Variants in ROBO2 observed in about 807,000 individuals in gnomAD.
The protein encoded by ROBO2 is roundabout guidance receptor 2.
A neutral mutation model predicts 160.8 loss-of-function variants in ROBO2; 53 were observed. The ratio of observed to expected loss-of-function variants is 0.33; its 90% CI spans 0.26 to 0.41. The LOEUF (loss-of-function observed/expected upper bound fraction) is 0.41. Among genes scored for constraint, ROBO2 ranks in the 10% least tolerant of loss-of-function variants. The pLI is 1.00. For missense variants in ROBO2, 1,577 were observed against 1,722.4 expected, an observed-to-expected ratio of 0.92 and a Z score of 1.49; for synonymous variants, 664 against 611.7, an observed-to-expected ratio of 1.09 and a Z score of -1.26.
chr3:76,472,774 A>G (rs1642313545), intron 2 of ROBO2, among the ~76,000 whole-genome samples: 1 of 152,198 alleles, frequency 6.6e-6, no homozygotes, highest in South Asian at 2.1e-4. Context: ...TTAAGGTCAC[A>G]AGTCAGTGTT....
intron 2 of ROBO2, among the ~76,000 whole-genome samples, chr3:76,335,036 A>AT (rs1369427161): frequency 1.2e-4 from 18 of 151,690 alleles, no homozygotes; most frequent in African/African-American, 2.9e-4. Context: ...TTAAAAAAAA[A>AT]TTTTTTTTGT....
intron 2 of ROBO2, among the ~76,000 whole-genome samples, chr3:76,070,793 C>T (rs1385317464): frequency 1.3e-5 from 2 of 152,072 alleles, no homozygotes; most frequent in Non-Finnish European, 2.9e-5. Context: ...CTTTATTTCT[C>T]AAGCCGGCCG....
At chr3:77,222,762 G>A (rs1035895588) in intron 2 of ROBO2, among the ~76,000 whole-genome samples, 3 of 152,108 alleles carry the variant, frequency 2.0e-5, no homozygotes, top group African/African-American at 4.8e-5. Flanking sequence ...ATGGTGATAT[G>A]TCCATTTGCT....
chr3:77,354,707 A>C (rs993190769), intron 2 of ROBO2, among the ~76,000 whole-genome samples: 1 of 152,224 alleles, frequency 6.6e-6, no homozygotes, highest in Non-Finnish European at 1.5e-5. Context: ...TAAAATTAAA[A>C]GATGGCATTT....
chr3:76,269,074 G>T (rs1445530427), intron 2 of ROBO2, among the ~76,000 whole-genome samples: 2 of 152,180 alleles, frequency 1.3e-5, no homozygotes, highest in African/African-American at 2.4e-5. Context: ...TAGTTAGATA[G>T]AATTAATAAG....
intron 2 of ROBO2, among the ~76,000 whole-genome samples, chr3:76,579,786 C>CAAA (rs5850267): frequency 2.4e-3 from 256 of 106,658 alleles, no homozygotes; most frequent in East Asian, 3.3e-3. Context: ...GGTTGAGTTA[C>CAAA]AAAAAAAAAA....
At chr3:77,471,085 C>T (rs1460142219) in intron 2 of ROBO2, among the ~76,000 whole-genome samples, 8 of 152,256 alleles carry the variant, frequency 5.3e-5, no homozygotes, top group Non-Finnish European at 8.8e-5. Context: ...AGGCTTTACC[C>T]TTCTAATAAC....
At chr3:76,587,736 A>C (rs6799201) in intron 2 of ROBO2, among the ~76,000 whole-genome samples, 72,785 of 152,044 alleles carry the variant, frequency 0.48, 17,589 homozygotes, top group Middle Eastern at 0.6. Context: ...AACTTTTTAA[A>C]AACCTGAATG....
chr3:77,488,980 A>G (rs1345451789), intron 4 of ROBO2, among the ~76,000 whole-genome samples: 1 of 152,342 alleles, frequency 6.6e-6, no homozygotes, highest in Non-Finnish European at 1.5e-5. Context: ...GTGGGTAATT[A>G]TGAAAATTGC....
intron 2 of ROBO2, among the ~76,000 whole-genome samples, chr3:76,240,699 C>T (rs966649688): frequency 6.6e-6 from 1 of 151,616 alleles, no homozygotes; most frequent in African/African-American, 2.4e-5. Context: ...TTTTTTTTTC[C>T]ACACCGTTCA....
intron 2 of ROBO2, among the ~76,000 whole-genome samples, chr3:76,167,257 T>C (rs1471168817): frequency 6.6e-5 from 10 of 152,150 alleles, no homozygotes; most frequent in Admixed American, 3.3e-4. Flanking sequence ...TTGAATTTTA[T>C]TGAATTGATT....
At chr3:76,438,441 C>A (rs1014480394) in intron 2 of ROBO2, among the ~76,000 whole-genome samples, 3 of 148,854 alleles carry the variant, frequency 2.0e-5, no homozygotes, top group Non-Finnish European at 4.4e-5. Context: ...CACACACACA[C>A]AATGCACATA....
chr3:76,820,370 T>A (rs981986230), intron 2 of ROBO2, among the ~76,000 whole-genome samples: 15 of 152,010 alleles, frequency 9.9e-5, no homozygotes, highest in Non-Finnish European at 1.3e-4. Flanking sequence ...ATTTTTTTTT[T>A]AAATATAGAG....
chr3:76,103,833 T>G (rs2069806132), intron 2 of ROBO2, among the ~76,000 whole-genome samples: 1 of 152,232 alleles, frequency 6.6e-6, no homozygotes, highest in Non-Finnish European at 1.5e-5. Context: ...TCCCTTTCCA[T>G]TTTGAAGATG....
upstream of ROBO2, among the ~76,000 whole-genome samples, chr3:77,037,367 A>C (rs758687209): frequency 2.6e-5 from 4 of 152,298 alleles, no homozygotes; most frequent in South Asian, 4.1e-4. Flanking sequence ...AAACAACAAC[A>C]ACCACAACAA....
intron 2 of ROBO2, among the ~76,000 whole-genome samples, chr3:76,447,320 T>G (rs2077236986): frequency 6.6e-6 from 1 of 151,946 alleles, no homozygotes; most frequent in Admixed American, 6.6e-5. Flanking sequence ...ATCAGAGAAA[T>G]GCAAATCAAA....
At chr3:77,579,696 A>G (rs2093863148) in intron 15 of ROBO2, among the ~76,000 whole-genome samples, 2 of 152,210 alleles carry the variant, frequency 1.3e-5, no homozygotes, top group South Asian at 2.1e-4. Flanking sequence ...AGAATAAGAT[A>G]TAAATGAACA....
chr3:76,044,310 C>T (rs1204863039), intron 2 of ROBO2, among the ~76,000 whole-genome samples: 2 of 152,050 alleles, frequency 1.3e-5, no homozygotes, highest in Non-Finnish European at 2.9e-5. Context: ...TGTCCCACTT[C>T]ACCCTTTCCA....
intron 2 of ROBO2, among the ~76,000 whole-genome samples, chr3:76,106,085 G>A (rs551120985): frequency 6.6e-6 from 1 of 152,134 alleles, no homozygotes; most frequent in Non-Finnish European, 1.5e-5. Context: ...TCGAGATAAT[G>A]TTATGTTATG....
Sources: gnomAD v4.1 joint callset for allele counts (sites outside exome capture counted in the v4.1 genomes callset) on GRCh38, gnomAD v4.1.1 for gene constraint, MANE v1.5 for transcripts, NCBI Gene and HGNC (gene_info 2026-07-23, HGNC 2026-07-21) for gene names.